Variants in COL14A1 observed in about 807,000 individuals in gnomAD.
COL14A1 encodes collagen type XIV alpha 1 chain, also known as collagen alpha-1(XIV) chain.
COL14A1 carries 136 observed loss-of-function variants against 230.3 expected under a neutral mutation model. That is an observed-to-expected ratio of 0.59 (90% CI 0.51 to 0.68). COL14A1 has a LOEUF of 0.68. COL14A1 is among the 30% of genes least tolerant of loss of function. The pLI is 0.00. For missense variants in COL14A1, 1,976 were observed against 2,215.8 expected, an observed-to-expected ratio of 0.89 and a Z score of 2.17; for synonymous variants, 792 against 784.1, an observed-to-expected ratio of 1.01 and a Z score of -0.17.
intron 47 of COL14A1, chr8:120,370,617 T>C: frequency 6.9e-7 from 1 of 1,451,154 alleles, no homozygotes; most frequent in Non-Finnish European, 9.1e-7. Context: ...GACTGCTCCA[T>C]GTCAGCCTGG....
At chr8:120,239,296 C>T (rs1470487897) in intron 19 of COL14A1, among the ~76,000 whole-genome samples, 1 of 152,200 alleles carries the variant, frequency 6.6e-6, no homozygotes, top group Non-Finnish European at 1.5e-5. Context: ...TTCTTGCCCT[C>T]TGCTGCATTA....
intron 36 of COL14A1, among the ~76,000 whole-genome samples, chr8:120,305,838 A>G (rs191956685): frequency 2.5e-3 from 384 of 152,164 alleles, no homozygotes; most frequent in Non-Finnish European, 4.3e-3. Flanking sequence ...TTTTCTATTA[A>G]TAGTTAACCC....
intron 35 of COL14A1, among the ~76,000 whole-genome samples, chr8:120,300,427 A>G (rs1183015366): frequency 6.6e-6 from 1 of 152,094 alleles, no homozygotes; most frequent in African/African-American, 2.4e-5. Context: ...ACTCCAACCA[A>G]CAGAATTAAA....
At chr8:120,368,582 G>C (rs758078171) in intron 46 of COL14A1, among the ~76,000 whole-genome samples, 1 of 144,702 alleles carries the variant, frequency 6.9e-6, no homozygotes. Context: ...GTTGGAACCC[G>C]GACCTAAAAA....
chr8:120,224,113 G>A lies in COL14A1; in HGVS notation c.1738-975G>A, dbSNP rs1818019697. ...ATGATCTCAGCTCACTGCAACCTCT[G>A]TCACCCTGGTTCAAGCGATTCTCCT... is the stretch of plus-strand genomic sequence containing the variant. On this transcript the variant is annotated intron_variant, in intron 14 of 47. Transcript: ENST00000297848. Among the ~76,000 whole-genome samples the A allele has an allele frequency of 2.2e-5, 3 of 136,830 alleles. No homozygotes were observed. In the South Asian group the frequency reaches 7.4e-4, roughly 34 times the overall value. The allele number at this position is 136,830 out of a possible 152,430, so 89.8% of individuals were successfully genotyped here. A position where few individuals can be genotyped will look rare whatever the true frequency, so the allele number is the denominator to read the frequency against.
At chr8:120,344,068 C>T (rs1328568666) in intron 44 of COL14A1, among the ~76,000 whole-genome samples, 1 of 152,092 alleles carries the variant, frequency 6.6e-6, no homozygotes, top group Non-Finnish European at 1.5e-5. Flanking sequence ...TTGTGATTGA[C>T]TTCTAGGAAG....
In COL14A1 at chr8:120,316,016, T is replaced by C. The variant is rs1461163265; in HGVS notation, c.4659+19T>C. The C allele has an allele frequency of 2.0e-5, 32 of 1,613,688 alleles. No individual in the cohort carries two copies. The highest frequency in any genetic ancestry group is 2.5e-5 in the Non-Finnish European group (30 of 1,179,870). On this transcript the variant is annotated intron_variant, in intron 40 of 47. Transcript: ENST00000297848. ...CCAGAGGGTAAGGTCTTGCCCAAGGTTGGTTTTTAGCAAAGTAGTGACCTT... is the reference window on the plus strand; with the variant it reads ...CCAGAGGGTAAGGTCTTGCCCAAGGCTGGTTTTTAGCAAAGTAGTGACCTT...
At position 120,182,726 on chromosome 8, in the gene COL14A1, G is replaced by GGTTTTTTTTTTTTTTTTTTTTTTT. The variant is rs1554603200; in HGVS notation, c.437-14065_437-14064insGTTTTTTTTTTTTTTTTTTTTTTT. Among the ~76,000 whole-genome samples the GGTTTTTTTTTTTTTTTTTTTTTTT allele has an allele frequency of 4.7e-5, 6 of 129,014 alleles. 1 individual carries two copies. The highest frequency in any genetic ancestry group is 8.2e-5 in the Non-Finnish European group (5 of 60,860). 84.6% of individuals were successfully genotyped at this position (129,014 alleles called of 152,430 possible). A position where few individuals can be genotyped will look rare whatever the true frequency, so the allele number is the denominator to read the frequency against. The stretch of plus-strand genomic sequence containing the variant: ...AACTTAATTTTTTTTATTTTTCTTC[G>GGTTTTTTTTTTTTTTTTTTTTTTT]TTTTTTTTTTTTTTTTTTGAGGTGG... On this transcript the variant is annotated intron_variant, in intron 5 of 47. Transcript: ENST00000297848.
At chr8:120,177,585 G>A (rs1047454927) in intron 5 of COL14A1, among the ~76,000 whole-genome samples, 2 of 143,938 alleles carry the variant, frequency 1.4e-5, no homozygotes, top group Non-Finnish European at 3.0e-5. Context: ...GGAGGTGGAA[G>A]TTGCAGTGAG....
intron 47 of COL14A1, chr8:120,370,656 T>C: frequency 1.4e-6 from 2 of 1,451,770 alleles, no homozygotes; most frequent in Non-Finnish European, 1.8e-6. Flanking sequence ...GTGCCAAGAA[T>C]TTATCCCAGA....
At chr8:120,327,438 C>T in intron 40 of COL14A1, among the ~76,000 whole-genome samples, 1 of 152,196 alleles carries the variant, frequency 6.6e-6, no homozygotes, top group East Asian at 1.9e-4. Context: ...AACCTCTTCC[C>T]TGTCCCTACC....
chr8:120,346,826 A>C (rs1822533447), intron 45 of COL14A1, among the ~76,000 whole-genome samples: 1 of 152,214 alleles, frequency 6.6e-6, no homozygotes, highest in South Asian at 2.1e-4. Flanking sequence ...TGTTGAGAGC[A>C]GGGATTGGTT....
Position 120,162,449 on chromosome 8 carries a change from C to T in COL14A1, c.229C>T (p.Leu77=). 1.2e-6 allele frequency: 2 copies of T among 1,608,088 alleles called. No homozygotes were observed. The highest frequency in any genetic ancestry group is 4.5e-5 in the East Asian group (2 of 44,772). Residue 77 remains leucine (L), a synonymous_variant, in exon 4 of 48, where the codon CTG becomes TTG. Coordinates refer to ENST00000297848, the MANE Select transcript of COL14A1 (RefSeq NM_021110.4). Reference sequence around the variant, plus strand: ...AGGTGGAAAAACTAACCAGCTGAATCTGCAGAACACTGCAACTAAAGCAAT... The same window carrying T: ...AGGTGGAAAAACTAACCAGCTGAATTTGCAGAACACTGCAACTAAAGCAAT... The part of the protein sequence containing the change: ...TSGGKTNQLN[L]QNTATKAIIQ...
intron 19 of COL14A1, among the ~76,000 whole-genome samples, chr8:120,238,872 C>T (rs1448999847): frequency 6.6e-6 from 1 of 152,162 alleles, no homozygotes; most frequent in Non-Finnish European, 1.5e-5. Context: ...AGTTCCCCAA[C>T]TCTTTGTGCT....
chr8:120,208,793 CT>C (rs1817529113), intron 11 of COL14A1, among the ~76,000 whole-genome samples: 1 of 152,038 alleles, frequency 6.6e-6, no homozygotes, highest in Non-Finnish European at 1.5e-5. Context: ...GTAAAACAAG[CT>C]TCTGAATACT....
intron 42 of COL14A1, among the ~76,000 whole-genome samples, chr8:120,338,503 A>G (rs1206975695): frequency 6.6e-6 from 1 of 152,184 alleles, no homozygotes; most frequent in African/African-American, 2.4e-5. Context: ...GGAAAATAGG[A>G]ATAATATAGG....
chr8:120,253,266 C>A (rs144843609), intron 22 of COL14A1, among the ~76,000 whole-genome samples: 1 of 152,112 alleles, frequency 6.6e-6, no homozygotes, highest in Admixed American at 6.5e-5. Context: ...GACTTGGCCT[C>A]TCAAAGTGCT....
chr8:120,323,815 C>T (rs1057288051), intron 40 of COL14A1, among the ~76,000 whole-genome samples: 5 of 152,086 alleles, frequency 3.3e-5, no homozygotes, highest in Admixed American at 6.6e-5. Flanking sequence ...TTTTGGTTAT[C>T]GTACCTCTGT....
Position 120,125,127 on chromosome 8 carries a change from G to A in COL14A1, c.-251G>A, listed in dbSNP as rs1221250257. On this transcript the variant is annotated 5_prime_UTR_variant, in exon 1 of 48. Coordinates refer to ENST00000297848, the MANE Select transcript of COL14A1 (RefSeq NM_021110.4). ...CCTCTTATCTGATCCTGGGCTCCCA[G>A]CTGGAGAGGCGGAGGCAGCTCCAGG... 2 of 152,436 alleles carry A rather than the reference G, an allele frequency of 1.3e-5. No homozygotes were observed. The highest frequency in any genetic ancestry group is 2.4e-5 in the African/African-American group (1 of 41,482). The allele number at this position is 152,436 out of a possible 1,614,324, so 9.4% of individuals were successfully genotyped here. A position where few individuals can be genotyped will look rare whatever the true frequency, so the allele number is the denominator to read the frequency against.
Sources: allele counts gnomAD v4.1 joint callset (sites outside exome capture counted in the v4.1 genomes callset), GRCh38; gene constraint gnomAD v4.1.1; transcripts MANE v1.5; gene names NCBI Gene and HGNC (gene_info 2026-07-23, HGNC 2026-07-21).